Variants in ARFGEF1 observed in about 807,000 individuals in gnomAD.
ARFGEF1 encodes the protein brefeldin A-inhibited guanine nucleotide-exchange protein 1.
In ARFGEF1, 42 loss-of-function variants were observed where a neutral mutation model predicts 231.0. The ratio of observed to expected loss-of-function variants is 0.18; its 90% CI spans 0.14 to 0.24. ARFGEF1 has a LOEUF of 0.24. ARFGEF1 is among the 10% of genes least tolerant of loss of function. ARFGEF1 has a pLI of 1.00. For missense variants in ARFGEF1, 1,345 were observed against 2,192.0 expected (o/e 0.61, Z 7.72); for synonymous variants, 710 against 732.3 (o/e 0.97, Z 0.49).
At chr8:67,175,072 T>C (rs141814253), downstream of ARFGEF1, 95 of 474,532 alleles carry the variant, frequency 2.0e-4, no homozygotes, top group East Asian at 3.8e-3. Flanking sequence ...GGGGTATTCC[T>C]TATGTTGGTA....
Position 67,197,896 on chromosome 8 carries a change from A to G in ARFGEF1, c.*1038T>C. 1 of 985,880 alleles carries G rather than the reference A, an allele frequency of 1.0e-6. No individual in the cohort carries two copies. 61.1% of individuals were successfully genotyped at this position (985,880 alleles called of 1,614,324 possible). A position where few individuals can be genotyped will look rare whatever the true frequency, so the allele number is the denominator to read the frequency against. On this transcript the variant is annotated 3_prime_UTR_variant, in exon 39 of 39. Coordinates refer to ENST00000262215, the MANE Select transcript of ARFGEF1 (RefSeq NM_006421.5). ...AGAGCACAATTCACAGTATGAATAC[A>G]TTTCCAGTAAATCTAACCTCCGCAA...
chr8:67,274,838 G>T (rs948937237), intron 9 of ARFGEF1, among the ~76,000 whole-genome samples: 4 of 152,100 alleles, frequency 2.6e-5, no homozygotes, highest in African/African-American at 9.7e-5. Flanking sequence ...AGAATGAGAT[G>T]TTAAAACTGG....
chr8:67,328,586 T>A (rs575962404), intron 1 of ARFGEF1, among the ~76,000 whole-genome samples: 7 of 152,242 alleles, frequency 4.6e-5, no homozygotes, highest in Non-Finnish European at 7.3e-5. Context: ...TTCTCTCTCA[T>A]CCTTTTAGCT....
At chr8:67,181,183 T>C (rs1287670436) in intron 5 of ARFGEF1, among the ~76,000 whole-genome samples, 2 of 151,710 alleles carry the variant, frequency 1.3e-5, no homozygotes, top group East Asian at 3.9e-4. Flanking sequence ...GACTACAGCA[T>C]GCACCACGAT....
At chr8:67,291,177 A>C (rs578235148) in intron 6 of ARFGEF1, among the ~76,000 whole-genome samples, 82 of 152,308 alleles carry the variant, frequency 5.4e-4, no homozygotes, top group Non-Finnish European at 8.4e-4. Flanking sequence ...AGTTTCACAG[A>C]ACAGCTAAAG....
Position 67,267,451 on chromosome 8 carries a change from A to G in ARFGEF1, c.1573-9T>C, listed in dbSNP as rs1804893026. On this transcript the variant is annotated splice_polypyrimidine_tract_variant and intron_variant, in intron 10 of 38. Transcript: ENST00000262215. ...ATTTCTTTAAAGAACACCTGTGATTAGGAGAAAACTTCTGTTTAAAATATT... is the reference window on the plus strand; with the variant it reads ...ATTTCTTTAAAGAACACCTGTGATTGGGAGAAAACTTCTGTTTAAAATATT... 5 of 1,506,090 alleles carry G rather than the reference A, an allele frequency of 3.3e-6. No individual in the cohort carries two copies. The highest frequency in any genetic ancestry group is 4.6e-6 in the Non-Finnish European group (5 of 1,089,874). The allele number at this position is 1,506,090 out of a possible 1,614,324, so 93.3% of individuals were successfully genotyped here. A position where few individuals can be genotyped will look rare whatever the true frequency, so the allele number is the denominator to read the frequency against.
chr8:67,230,746 T>C (rs906748935), intron 23 of ARFGEF1, among the ~76,000 whole-genome samples: 1 of 152,116 alleles, frequency 6.6e-6, no homozygotes, highest in Non-Finnish European at 1.5e-5. Flanking sequence ...ATCTCCTGCA[T>C]AGTTTAGTAA....
chr8:67,216,977 T>G (rs1838957920), intron 32 of ARFGEF1, among the ~76,000 whole-genome samples: 1 of 151,730 alleles, frequency 6.6e-6, no homozygotes, highest in African/African-American at 2.4e-5. Context: ...ATCAAATATT[T>G]TCCAAAGTAA....
chr8:67,176,753 A>G (rs1831748840), intron 5 of ARFGEF1, among the ~76,000 whole-genome samples: 2 of 152,122 alleles, frequency 1.3e-5, no homozygotes, highest in South Asian at 4.1e-4. Context: ...TCCAGTAGAC[A>G]CTATGAAGAC....
intron 5 of ARFGEF1, among the ~76,000 whole-genome samples, chr8:67,184,444 CAG>C (rs1461085028): frequency 2.6e-5 from 4 of 152,078 alleles, no homozygotes; most frequent in Admixed American, 6.5e-5. Flanking sequence ...ATACCAGAAA[CAG>C]GGCATATCTA....
chr8:67,292,931 G>A (rs770512531), intron 5 of ARFGEF1, among the ~76,000 whole-genome samples: 14 of 151,926 alleles, frequency 9.2e-5, no homozygotes, highest in Non-Finnish European at 1.6e-4. Context: ...TTCCAGGTTA[G>A]GTGGAAATGC....
intron 34 of ARFGEF1, among the ~76,000 whole-genome samples, chr8:67,209,421 G>A (rs895029065): frequency 2.6e-5 from 4 of 151,676 alleles, no homozygotes; most frequent in African/African-American, 9.8e-5. Context: ...GGCTGGGGAA[G>A]AGGAGAAGAA....
At chr8:67,301,174 G>C (rs755349400) in intron 3 of ARFGEF1, 50 bp downstream of exon 3, 8 of 1,466,108 alleles carry the variant, frequency 5.5e-6, no homozygotes, top group Non-Finnish European at 6.4e-6. Flanking sequence ...TAATGTTTTA[G>C]AAACACATTC....
intron 1 of ARFGEF1, among the ~76,000 whole-genome samples, chr8:67,328,547 T>G (rs1353084082): frequency 6.6e-6 from 1 of 152,230 alleles, no homozygotes; most frequent in Admixed American, 6.5e-5. Context: ...TTACACAGCT[T>G]TATGTTCCCT....
chr8:67,275,371 CTAATA>C (rs1805270730), intron 9 of ARFGEF1, among the ~76,000 whole-genome samples: 1 of 152,014 alleles, frequency 6.6e-6, no homozygotes, highest in Admixed American at 6.6e-5. Context: ...AGGGTTTAAT[CTAATA>C]TATTTCATGA....
At chr8:67,335,479 C>A (rs1489184307) in intron 1 of ARFGEF1, among the ~76,000 whole-genome samples, 2 of 152,088 alleles carry the variant, frequency 1.3e-5, no homozygotes, top group Admixed American at 6.5e-5. Context: ...TAAAAAATAT[C>A]AAATTACCAA....
At chr8:67,315,541 A>G (rs759831789) in intron 1 of ARFGEF1, among the ~76,000 whole-genome samples, 1 of 152,194 alleles carries the variant, frequency 6.6e-6, no homozygotes, top group Non-Finnish European at 1.5e-5. Context: ...GATCATACAG[A>G]GTGTGTTCTT....
intron 22 of ARFGEF1, among the ~76,000 whole-genome samples, chr8:67,235,585 T>C (rs887043535): frequency 6.6e-6 from 1 of 152,136 alleles, no homozygotes; most frequent in Non-Finnish European, 1.5e-5. Context: ...TCCTAGCATT[T>C]TGGGAGGCCG....
intron 9 of ARFGEF1, among the ~76,000 whole-genome samples, chr8:67,272,970 G>C (rs1376613336): frequency 6.6e-6 from 1 of 151,978 alleles, no homozygotes. Context: ...ATCCGAGTGT[G>C]GTGGTGGGCA....
Sources: allele counts gnomAD v4.1 joint callset (sites outside exome capture counted in the v4.1 genomes callset), GRCh38; gene constraint gnomAD v4.1.1; transcripts MANE v1.5; gene names NCBI Gene and HGNC (gene_info 2026-07-23, HGNC 2026-07-21).